The following MAN2A2 variants were observed in gnomAD, a reference collection of about 807,000 sequenced individuals.
The protein encoded by MAN2A2 is mannosidase alpha class 2A member 2.
MAN2A2 carries 79 observed loss-of-function variants against 126.8 expected under a neutral mutation model. The ratio of observed to expected loss-of-function variants is 0.62; its 90% CI spans 0.52 to 0.75. The LOEUF (loss-of-function observed/expected upper bound fraction) is 0.75, where lower values mean the gene tolerates loss of function less well. Among genes scored for constraint, MAN2A2 ranks in the 30% least tolerant of loss-of-function variants. The probability of loss-of-function intolerance (pLI) is 0.00; values close to 1 mark genes in which losing one functional copy is unlikely to be tolerated. For synonymous variants in MAN2A2, 671 were observed against 618.7 expected (o/e 1.08, Z -1.25); for missense variants, 1,392 against 1,522.4 (o/e 0.91, Z 1.43).
At chr15:90,908,405 A>G (rs1421268067) in intron 8 of MAN2A2, among the ~76,000 whole-genome samples, 5 of 152,226 alleles carry the variant, frequency 3.3e-5, no homozygotes, top group African/African-American at 9.6e-5. Context: ...ATAACATGCC[A>G]ATTAAAGTAG....
chr15:90,909,939 C>A, intron 9 of MAN2A2, 151 bp from the exon 10 acceptor site: 2 of 674,182 alleles, frequency 3.0e-6, no homozygotes, highest in East Asian at 2.7e-5. Flanking sequence ...AATTCCCAGG[C>A]TCCCCTACTT....
At chr15:90,911,642 T>A in intron 14 of MAN2A2, 92 bp downstream of exon 14, 1 of 1,375,560 alleles carries the variant, frequency 7.3e-7, no homozygotes, top group Admixed American at 2.3e-5. Context: ...CTCCTGCTTG[T>A]GGCCCTGCTA....
Position 90,910,632 on chromosome 15 carries a change from A to T in MAN2A2, c.1709A>T (p.Asp570Val). The change falls in exon 11 of 23, where the codon GAT (aspartate) becomes GTT (valine). Residue 570 changes from aspartate to valine, a missense_variant. Asp to Val is a radical substitution (Grantham distance 152). Coordinates refer to ENST00000559717, the MANE Select transcript of MAN2A2 (RefSeq NM_006122.4). Reference sequence around the variant, plus strand: ...ACATTGGGGCTCTTCCAGCATCACGATGCCATCACTGGCACGGCCAAGGAG... The same window carrying T: ...ACATTGGGGCTCTTCCAGCATCACGTTGCCATCACTGGCACGGCCAAGGAG... ...RRTLGLFQHHDAITGTAKEAV... is the reference protein window; with the variant it reads ...RRTLGLFQHHVAITGTAKEAV... The T allele has an allele frequency of 1.2e-6, 2 of 1,614,084 alleles. No homozygotes were observed. The highest frequency in any genetic ancestry group is 1.7e-6 in the Non-Finnish European group (2 of 1,180,008).
In MAN2A2 at chr15:90,907,292, T is replaced by G. The variant is rs769219394; in HGVS notation, c.1010-17T>G. 20 of 1,609,020 alleles carry G rather than the reference T, an allele frequency of 1.2e-5. No individual in the cohort carries two copies. In the South Asian group the frequency reaches 2.1e-4, roughly 17 times the overall value. ...AGGCTGCCTGCTGGTGGTGACCACG[T>G]GGTGTGTCTCCTGCAGACTCGGACT... On this transcript the variant is annotated splice_polypyrimidine_tract_variant and intron_variant, in intron 7 of 22. Transcript: ENST00000559717.
chr15:90,909,407 A>G lies in MAN2A2; in HGVS notation c.1277A>G (p.Asp426Gly). The change falls in exon 9 of 23, where the codon GAC (aspartate) becomes GGC (glycine). Residue 426 changes from aspartate (D) to glycine (G), a missense_variant. Coordinates refer to ENST00000559717, the MANE Select transcript of MAN2A2 (RefSeq NM_006122.4). ...SNVLLVPLGD[D>G]FRYDKPQEWD... ...GTCCTCCTGGTGCCTCTTGGAGATG[A>G]CTTCCGATATGACAAGCCCCAGGAG... The G allele has an allele frequency of 6.2e-7, 1 of 1,614,038 alleles. No homozygotes were observed. The highest frequency in any genetic ancestry group is 8.5e-7 in the Non-Finnish European group (1 of 1,179,972).
Position 90,910,997 on chromosome 15 carries a change from G to T in MAN2A2, c.1875+36G>T, listed in dbSNP as rs201420575. 1.2e-4 allele frequency: 182 copies of T among 1,565,544 alleles called. No homozygotes were observed. The East Asian group carries it at 3.2e-3, about 28-fold the overall frequency. On this transcript the variant is annotated intron_variant, in intron 12 of 22. Coordinates refer to ENST00000559717, the MANE Select transcript of MAN2A2 (RefSeq NM_006122.4). ...CCTGGGTCTGCATGGGGACCCTCTGGTGTGTGCAGGTCCCATCCCAAGAGC... is the reference window on the plus strand; with the variant it reads ...CCTGGGTCTGCATGGGGACCCTCTGTTGTGTGCAGGTCCCATCCCAAGAGC...
At chr15:90,902,781 G>A (rs967457727), upstream of MAN2A2, 1 of 146,110 alleles carries the variant, frequency 6.8e-6, no homozygotes, top group Non-Finnish European at 1.5e-5. Flanking sequence ...GCGCGGGGCC[G>A]GCGCAGCGGA....
chr15:90,904,972 A>G (rs2034149469), intron 2 of MAN2A2, among the ~76,000 whole-genome samples: 2 of 152,196 alleles, frequency 1.3e-5, no homozygotes, highest in South Asian at 4.1e-4. Context: ...TCCTCAGCAC[A>G]GGCAACACCG....
chr15:90,911,243 C>CT lies in MAN2A2; in HGVS notation c.1943+5_1943+6insT. On this transcript the variant is annotated splice_donor_region_variant and intron_variant, in intron 13 of 22. Transcript: ENST00000559717. ...CCAGCTGGATTCCTCGCCCAGGTAACCTGGACTACGCCATGTGCAGAGAGG... is the reference window on the plus strand; with the variant it reads ...CCAGCTGGATTCCTCGCCCAGGTAACTCTGGACTACGCCATGTGCAGAGAGG... 2 of 1,614,068 alleles carry CT rather than the reference C, an allele frequency of 1.2e-6. No individual in the cohort carries two copies. The highest frequency in any genetic ancestry group is 1.7e-6 in the Non-Finnish European group (2 of 1,179,990).
At chr15:90,919,518 T>G in intron 22 of MAN2A2, 117 bp from the exon 23 acceptor site, 1 of 1,255,592 alleles carries the variant, frequency 8.0e-7, no homozygotes, top group Non-Finnish European at 1.1e-6. Context: ...GGATTACAGG[T>G]GTGAGCCACT....
At chr15:90,904,669 A>C (rs12439805) in intron 2 of MAN2A2, among the ~76,000 whole-genome samples, 10,549 of 151,208 alleles carry the variant, frequency 0.07, 989 homozygotes, top group East Asian at 0.4. Flanking sequence ...GGCTCACTGC[A>C]ACCTCCGCCT....
At chr15:90,910,063 G>A in intron 9 of MAN2A2, 27 bp from the exon 10 acceptor site, 3 of 1,594,258 alleles carry the variant, frequency 1.9e-6, no homozygotes, top group East Asian at 4.5e-5. Flanking sequence ...TAGAACTGAT[G>A]GGAGTGGGTT....
In MAN2A2 at chr15:90,919,670, G is replaced by C; in HGVS notation, c.3336G>C (p.Val1112=). ...GCAGCCTTTTCCATGGCCTGGATGT[G>C]GTATTCCTTCAGCCAACCTCCTTGA... ...ALGSLFHGLD[V]VFLQPTSLTL... The change falls in exon 23 of 23, where the codon GTG becomes GTC. Residue 1112 remains valine (V), a synonymous_variant. Coordinates refer to ENST00000559717, the MANE Select transcript of MAN2A2 (RefSeq NM_006122.4). 6.2e-7 allele frequency: 1 copy of C among 1,614,210 alleles called. No homozygotes were observed. Among genetic ancestry groups the C allele is most frequent in the Non-Finnish European group, 8.5e-7 (1 of 1,180,038 alleles).
chr15:90,904,464 C>G (rs1450599975), intron 2 of MAN2A2, 125 bp downstream of exon 2: 4 of 1,068,406 alleles, frequency 3.7e-6, no homozygotes, highest in East Asian at 5.3e-5. Context: ...AGGACAGGAG[C>G]CTTCCTTCCC....
At chr15:90,913,116 A>G (rs1171209527) in intron 17 of MAN2A2, 125 bp downstream of exon 17, 3 of 1,173,594 alleles carry the variant, frequency 2.6e-6, no homozygotes, top group South Asian at 1.4e-5. Flanking sequence ...GGGATGCTCC[A>G]TTCTCTTGGA....
In MAN2A2 at chr15:90,917,017, A is replaced by T. The variant is rs188808797; in HGVS notation, c.2994+761A>T. Among the ~76,000 whole-genome samples, 262 of 152,336 alleles carry T rather than the reference A, an allele frequency of 1.7e-3. 1 individual carries two copies. Among genetic ancestry groups the T allele is most frequent in the Non-Finnish European group, 3.1e-3 (209 of 68,024 alleles). ...GTGATTTGAAGATATGAACCAGGGC[A>T]CAGGATAGGAGGCAGGAAAGACAAC... On this transcript the variant is annotated intron_variant, in intron 20 of 22. Transcript: ENST00000559717.
In MAN2A2 at chr15:90,910,881, ATCAT is replaced by A. The variant is rs1270927679; in HGVS notation, c.1800_1803del (p.Ile600MetfsTer30). On this transcript the variant is annotated frameshift_variant, in exon 12 of 23. Transcript: ENST00000559717. LOFTEE classifies it high-confidence loss of function. ...CTCCCTTGTCAACCTGAAGCAGGTC[ATCAT>A]TCATGCAGCCCACTATCTGGTGCTG... 1.2e-6 allele frequency: 2 copies of A among 1,614,022 alleles called. No individual in the cohort carries two copies. Among genetic ancestry groups the A allele is most frequent in the Non-Finnish European group, 1.7e-6 (2 of 1,180,026 alleles).
chr15:90,918,775 A>G lies in MAN2A2; in HGVS notation c.3300+20A>G, dbSNP rs779401037. ...GGCAAGGTGAGTAGGGTGGGGAAACAGAGCACCTAGGAATGGCAGGCATGA... is the reference window on the plus strand; with the variant it reads ...GGCAAGGTGAGTAGGGTGGGGAAACGGAGCACCTAGGAATGGCAGGCATGA... On this transcript the variant is annotated intron_variant, in intron 22 of 22. Transcript: ENST00000559717. 1.0e-5 allele frequency: 15 copies of G among 1,490,082 alleles called. No individual in the cohort carries two copies. Among genetic ancestry groups the G allele is most frequent in the Non-Finnish European group, 1.3e-5 (14 of 1,070,518 alleles). 92.3% of individuals were successfully genotyped at this position (1,490,082 alleles called of 1,614,324 possible). A position where few individuals can be genotyped will look rare whatever the true frequency, so the allele number is the denominator to read the frequency against.
intron 22 of MAN2A2, among the ~76,000 whole-genome samples, chr15:90,919,244 T>C (rs982742480): frequency 6.6e-6 from 1 of 152,182 alleles, no homozygotes; most frequent in African/African-American, 2.4e-5. Flanking sequence ...TGCACACTCA[T>C]GTGTAAGAAG....
Sources: gnomAD v4.1 joint callset for allele counts (sites outside exome capture counted in the v4.1 genomes callset) on GRCh38, gnomAD v4.1.1 for gene constraint, MANE v1.5 for transcripts, NCBI Gene and HGNC (gene_info 2026-07-23, HGNC 2026-07-21) for gene names.